Variants in EYS observed in about 807,000 individuals in gnomAD.
The protein encoded by EYS is EGF-like photoreceptor maintenance factor, also known as protein eyes shut homolog.
A neutral mutation model predicts 282.1 loss-of-function variants in EYS; 250 were observed. That is an observed-to-expected ratio of 0.89 (90% confidence interval 0.80 to 0.98). The LOEUF (loss-of-function observed/expected upper bound fraction) is 0.98. Ranked by LOEUF, EYS falls within the 50% of genes least tolerant of loss-of-function variation. The probability of loss-of-function intolerance (pLI) is 0.00; values close to 1 mark genes in which losing one functional copy is unlikely to be tolerated. For synonymous variants in EYS, 1,355 were observed against 1,282.9 expected (o/e 1.06, Z -1.20); for missense variants, 4,016 against 3,709.0 (o/e 1.08, Z -2.15).
intron 13 of EYS, among the ~76,000 whole-genome samples, chr6:65,009,715 A>G (rs1488985520): frequency 6.6e-6 from 1 of 152,132 alleles, no homozygotes; most frequent in Non-Finnish European, 1.5e-5. Context: ...TTGTGCCATC[A>G]AGCCACCCAA....
At chr6:65,319,665 T>A in intron 11 of EYS, among the ~76,000 whole-genome samples, 1 of 152,184 alleles carries the variant, frequency 6.6e-6, no homozygotes. Context: ...AGACACTCAA[T>A]AAGTATTTGT....
intron 12 of EYS, among the ~76,000 whole-genome samples, chr6:65,115,822 G>A (rs1408290949): frequency 3.9e-5 from 6 of 152,066 alleles, no homozygotes; most frequent in African/African-American, 1.4e-4. Context: ...CAGAGTTTAG[G>A]TTACTTGTAG....
chr6:64,670,335 A>G (rs1769405639), intron 22 of EYS, among the ~76,000 whole-genome samples: 1 of 151,886 alleles, frequency 6.6e-6, no homozygotes, highest in Admixed American at 6.6e-5. Flanking sequence ...ACAGCCTTGA[A>G]CGAAGTCTAC....
Position 65,508,862 on chromosome 6 carries a change from C to T in EYS, c.-332-12869G>A, listed in dbSNP as rs188492423. 2.2e-4 allele frequency among the ~76,000 whole-genome samples: 34 copies of T among 152,148 alleles called. 1 individual carries two copies. The East Asian group carries it at 5.8e-3, about 26-fold the overall frequency. On this transcript the variant is annotated intron_variant, in intron 2 of 42. Transcript: ENST00000503581. ...CTGGGTTCATTTAAAAAGGATAACT[C>T]TTCCCCTCCCCACTCCCTGGATCCC...
chr6:63,909,641 C>G (rs977422986), intron 35 of EYS, among the ~76,000 whole-genome samples: 1 of 152,196 alleles, frequency 6.6e-6, no homozygotes, highest in Non-Finnish European at 1.5e-5. Context: ...AAATCAGATA[C>G]TTTTTCCCCA....
At chr6:65,296,154 A>G in intron 11 of EYS, 35 bp from the exon 12 acceptor site, 1 of 1,506,132 alleles carries the variant, frequency 6.6e-7, no homozygotes, top group Non-Finnish European at 8.9e-7. Flanking sequence ...CCAATTAGTC[A>G]TATACTTTAT....
chr6:64,766,563 C>T (rs1226132113), intron 22 of EYS, among the ~76,000 whole-genome samples: 10 of 139,532 alleles, frequency 7.2e-5, no homozygotes, highest in East Asian at 2.2e-4. Context: ...ACCTGAGAGA[C>T]GGAGTTTGCA....
intron 15 of EYS, among the ~76,000 whole-genome samples, chr6:64,925,902 T>C (rs1035760001): frequency 6.6e-6 from 1 of 152,088 alleles, no homozygotes; most frequent in African/African-American, 2.4e-5. Flanking sequence ...TCGGAGTCAG[T>C]TCTCGGGTCC....
chr6:65,002,987 A>C (rs1185872206), intron 13 of EYS, among the ~76,000 whole-genome samples: 1 of 147,282 alleles, frequency 6.8e-6, no homozygotes, highest in African/African-American at 2.4e-5. Context: ...ACCCTGTAAT[A>C]ATTGCATTAA....
At chr6:65,662,304 T>C (rs1768034446) in intron 1 of EYS, among the ~76,000 whole-genome samples, 1 of 152,156 alleles carries the variant, frequency 6.6e-6, no homozygotes, top group Non-Finnish European at 1.5e-5. Flanking sequence ...TGTGGCTTAA[T>C]GAAATGGCTC....
intron 12 of EYS, among the ~76,000 whole-genome samples, chr6:65,199,693 C>T (rs114029947): frequency 0.01 from 1,555 of 152,162 alleles, 24 homozygotes; most frequent in Middle Eastern, 0.02. Flanking sequence ...CATCTGAGTT[C>T]CATCTTGGAG....
intron 29 of EYS, among the ~76,000 whole-genome samples, chr6:64,320,935 C>T (rs536349438): frequency 1.7e-4 from 26 of 151,644 alleles, no homozygotes; most frequent in Non-Finnish European, 2.7e-4. Context: ...TATTTTTAAA[C>T]GAAAAATTCC....
rs2127266359 is a variant in EYS at position 65,490,589 on chromosome 6, T to C, written c.862+5A>G. 1 of 1,550,654 alleles carries C rather than the reference T, an allele frequency of 6.4e-7. No individual in the cohort carries two copies. The highest frequency in any genetic ancestry group is 2.3e-5 in the East Asian group (1 of 44,368). ...TATATGGTTGTATACATATGCATTTTTTACCTGAAAATTGCTCATCACATT... is the reference window on the plus strand; with the variant it reads ...TATATGGTTGTATACATATGCATTTCTTACCTGAAAATTGCTCATCACATT... On this transcript the variant is annotated splice_donor_5th_base_variant and intron_variant, in intron 5 of 42. Transcript: ENST00000503581.
At chr6:65,467,377 G>T (rs1194265556) in intron 5 of EYS, among the ~76,000 whole-genome samples, 1 of 151,982 alleles carries the variant, frequency 6.6e-6, no homozygotes, top group Non-Finnish European at 1.5e-5. Flanking sequence ...CCACAAGGTT[G>T]CAGAATACAA....
chr6:65,101,319 T>C (rs1774886779), intron 12 of EYS, among the ~76,000 whole-genome samples: 1 of 151,256 alleles, frequency 6.6e-6, no homozygotes, highest in Admixed American at 6.6e-5. Flanking sequence ...TGCCTGATAA[T>C]ATAGTTGGTA....
intron 35 of EYS, among the ~76,000 whole-genome samples, chr6:63,894,963 G>A (rs776813442): frequency 7.2e-5 from 11 of 151,912 alleles, no homozygotes; most frequent in East Asian, 3.9e-4. Flanking sequence ...AGCATCTGAT[G>A]TGTCCATGTT....
intron 30 of EYS, among the ~76,000 whole-genome samples, chr6:64,272,686 G>C (rs565365114): frequency 1.3e-5 from 2 of 152,122 alleles, no homozygotes; most frequent in Admixed American, 1.3e-4. Context: ...GACTGGAATT[G>C]TATTAAATAT....
rs954968489 is a variant in EYS at position 64,438,430 on chromosome 6, T to C, written c.5835+732A>G. Among the ~76,000 whole-genome samples, 5 of 151,848 alleles carry C rather than the reference T, an allele frequency of 3.3e-5. No individual in the cohort carries two copies. The East Asian group carries it at 9.6e-4, about 29-fold the overall frequency. On this transcript the variant is annotated intron_variant, in intron 27 of 42. Transcript: ENST00000503581. ...TCTGGAAAACTCTACTATACACTTA[T>C]GAGAGTAAAAGTGAATAAGGCAAAT...
At chr6:64,861,581 A>G (rs62417088) in intron 19 of EYS, among the ~76,000 whole-genome samples, 23,641 of 152,148 alleles carry the variant, frequency 0.16, 2,164 homozygotes, top group East Asian at 0.49. Context: ...GCTGCAGCTG[A>G]GGAAGGCAAG....
Sources: gnomAD v4.1 joint callset for allele counts (sites outside exome capture counted in the v4.1 genomes callset) on GRCh38, gnomAD v4.1.1 for gene constraint, MANE v1.5 for transcripts, NCBI Gene and HGNC (gene_info 2026-07-23, HGNC 2026-07-21) for gene names.